Variants in ZNF236 observed in about 807,000 individuals in gnomAD.
ZNF236 encodes zinc finger protein 236.
A neutral mutation model predicts 191.2 loss-of-function variants in ZNF236; 50 were observed. The ratio of observed to expected loss-of-function variants is 0.26; its 90% confidence interval spans 0.21 to 0.33. The LOEUF (loss-of-function observed/expected upper bound fraction) is 0.33. ZNF236 is among the 10% of genes least tolerant of loss of function. The pLI is 1.00. For synonymous variants in ZNF236, 907 were observed against 928.8 expected (o/e 0.98, Z 0.43); for missense variants, 1,754 against 2,374.5 (o/e 0.74, Z 5.43).
At chr18:76,847,890 T>C (rs1036046606) in intron 1 of ZNF236, among the ~76,000 whole-genome samples, 4 of 152,246 alleles carry the variant, frequency 2.6e-5, no homozygotes, top group African/African-American at 9.6e-5. Flanking sequence ...TAAGAATAAA[T>C]AGAATAAAAA....
intron 9 of ZNF236, chr18:76,886,541 C>G (rs1331877845): frequency 1.0e-5 from 2 of 193,224 alleles, no homozygotes; most frequent in Non-Finnish European, 2.1e-5. Flanking sequence ...CTGTCAATTT[C>G]TATAGCAAGC....
chr18:76,912,487 G>A, intron 17 of ZNF236, 140 bp downstream of exon 17: 1 of 571,148 alleles, frequency 1.8e-6, no homozygotes, highest in East Asian at 3.0e-5. Context: ...TCCATATTCT[G>A]TAAATAAACG....
intron 30 of ZNF236, among the ~76,000 whole-genome samples, chr18:76,966,764 T>G (rs528331376): frequency 2.6e-5 from 4 of 152,324 alleles, no homozygotes; most frequent in Non-Finnish European, 5.9e-5. Context: ...GTGATCCTAC[T>G]GCTTGTCTGT....
At chr18:76,883,641 T>C (rs1976963296) in intron 9 of ZNF236, among the ~76,000 whole-genome samples, 1 of 152,156 alleles carries the variant, frequency 6.6e-6, no homozygotes, top group African/African-American at 2.4e-5. Flanking sequence ...TTGCCCAGGC[T>C]GGTCTTAAAT....
chr18:76,967,931 T>G (rs1968825108), intron 30 of ZNF236, among the ~76,000 whole-genome samples: 1 of 152,140 alleles, frequency 6.6e-6, no homozygotes, highest in Non-Finnish European at 1.5e-5. Flanking sequence ...AAATCATGTG[T>G]GTTGGTTATT....
chr18:76,911,529 G>T (rs1967217197), intron 16 of ZNF236, among the ~76,000 whole-genome samples: 1 of 152,228 alleles, frequency 6.6e-6, no homozygotes, highest in Non-Finnish European at 1.5e-5. Context: ...CAGTTCTGTT[G>T]TTGTGGTTTA....
At chr18:76,900,154 C>A (rs977916284) in intron 11 of ZNF236, among the ~76,000 whole-genome samples, 34 of 152,168 alleles carry the variant, frequency 2.2e-4, no homozygotes, top group African/African-American at 7.7e-4. Context: ...TTCCTTAATT[C>A]CAAAGCATAA....
intron 22 of ZNF236, among the ~76,000 whole-genome samples, chr18:76,926,714 A>G (rs1441266587): frequency 1.2e-4 from 6 of 48,636 alleles, no homozygotes. Context: ...GTATGGTATA[A>G]AGGGTGATTA....
Position 76,954,201 on chromosome 18 carries a change from G to A in ZNF236, c.4915-1784G>A, listed in dbSNP as rs184118826. On this transcript the variant is annotated intron_variant, in intron 27 of 30. Transcript: ENST00000320610. The stretch of plus-strand genomic sequence containing the variant: ...AATTCAGAAGCTTTGCTTCTGATGC[G>A]ATTATGCTGAAAAATATTTTACAGA... Among the ~76,000 whole-genome samples, 555 of 152,318 alleles carry A rather than the reference G, an allele frequency of 3.6e-3. 1 individual carries two copies. The highest frequency in any genetic ancestry group is 7.1e-3 in the Admixed American group (108 of 15,302).
At chr18:76,936,496 G>A in intron 25 of ZNF236, 1 of 438,690 alleles carries the variant, frequency 2.3e-6, no homozygotes, top group South Asian at 1.6e-5. Context: ...GGCTGCAAGG[G>A]GAGATATTTC....
Position 76,851,861 on chromosome 18 carries a change from T to C in ZNF236, c.285T>C (p.Pro95=), listed in dbSNP as rs926738353. 2 of 1,614,006 alleles carry C rather than the reference T, an allele frequency of 1.2e-6. No individual in the cohort carries two copies. Among genetic ancestry groups the C allele is most frequent in the African/African-American group, 1.3e-5 (1 of 74,930 alleles). Residue 95 remains proline (P), a synonymous_variant, in exon 3 of 31, where the codon CCT becomes CCC. Transcript: ENST00000320610. Reference sequence around the variant, plus strand: ...AATGCACCCACAGCGGGGAAGATCCTACCTGCCCTGTGTGTAACAAGAAAT... The same window carrying C: ...AATGCACCCACAGCGGGGAAGATCCCACCTGCCCTGTGTGTAACAAGAAAT... The part of the protein sequence containing the change: ...LHKCTHSGED[P]TCPVCNKKFS...
chr18:76,962,521 T>A (rs1316126238), intron 30 of ZNF236, among the ~76,000 whole-genome samples: 1 of 152,166 alleles, frequency 6.6e-6, no homozygotes, highest in East Asian at 1.9e-4. Context: ...TTTTGCTTAG[T>A]CTTACTTTGG....
In ZNF236 at chr18:76,881,480, A is replaced by C; in HGVS notation, c.1385A>C (p.Lys462Thr). ...GAGAAACTGGATAAAAAAGAAAAAA[A>C]AATGATAAAGAAGAAGTCACCGTTT... ...SPEKLDKKEK[K>T]MIKKKSPFLP... The change falls in exon 9 of 31, where the codon AAA becomes ACA. Residue 462 changes from lysine (K) to threonine (T), a missense_variant. Lys to Thr is a moderately conservative substitution (Grantham distance 78). Around this residue, in one of 5 missense-constraint regions of ZNF236, gnomAD observed 126 missense variants for 110.9 expected, o/e 1.14. Coordinates refer to ENST00000320610, the MANE Select transcript of ZNF236 (RefSeq NM_001306089.2). The C allele has an allele frequency of 6.2e-7, 1 of 1,612,884 alleles. No homozygotes were observed. The highest frequency in any genetic ancestry group is 8.5e-7 in the Non-Finnish European group (1 of 1,179,786).
intron 1 of ZNF236, among the ~76,000 whole-genome samples, chr18:76,839,345 C>A (rs1238951402): frequency 6.6e-6 from 1 of 151,140 alleles, no homozygotes; most frequent in Non-Finnish European, 1.5e-5. Flanking sequence ...TGCCCTCTGG[C>A]AATATATGAG....
intron 1 of ZNF236, chr18:76,840,782 T>TGTGTGTGTGTGTGTGCGC (rs1555685340): frequency 1.0e-4 from 10 of 99,248 alleles, no homozygotes; most frequent in African/African-American, 2.9e-4. Flanking sequence ...AACCTGTGTG[T>TGTGTGTGTGTGTGTGCGC]GTGTGTGTGT....
In ZNF236 at chr18:76,960,273, G is replaced by A. The variant is rs1968632093; in HGVS notation, c.5243-406G>A. On this transcript the variant is annotated intron_variant, in intron 29 of 30. Coordinates refer to ENST00000320610, the MANE Select transcript of ZNF236 (RefSeq NM_001306089.2). The surrounding 1 kb of genome is among the most constrained non-coding windows in gnomAD (Gnocchi z 4.4). ...TTTGTCTTAGAGAAAAAAAACACAC[G>A]GAACAAAGAAACAAGCTCTTCCATC... Among the ~76,000 whole-genome samples, 4 of 152,118 alleles carry A rather than the reference G, an allele frequency of 2.6e-5. No individual in the cohort carries two copies. Among genetic ancestry groups the A allele is most frequent in the Admixed American group, 2.0e-4 (3 of 15,280 alleles).
intron 13 of ZNF236, among the ~76,000 whole-genome samples, chr18:76,905,673 C>T (rs987370326): frequency 4.6e-5 from 7 of 152,148 alleles, no homozygotes; most frequent in Middle Eastern, 3.4e-3. Flanking sequence ...ATTCTGTAAG[C>T]TGTCTTTTAA....
intron 9 of ZNF236, among the ~76,000 whole-genome samples, chr18:76,881,845 C>A (rs1976912307): frequency 6.6e-6 from 1 of 152,246 alleles, no homozygotes; most frequent in Non-Finnish European, 1.5e-5. Context: ...CTCCTCTCCA[C>A]TCAGATCCAT....
At chr18:76,866,401 AG>A (rs138819096) in intron 3 of ZNF236, among the ~76,000 whole-genome samples, 2,420 of 152,312 alleles carry the variant, frequency 0.016, 29 homozygotes, top group Middle Eastern at 0.02. Context: ...TGAGAAGGCC[AG>A]GACAGGAGAC....
Sources: allele counts gnomAD v4.1 joint callset (sites outside exome capture counted in the v4.1 genomes callset), GRCh38; gene constraint gnomAD v4.1.1; regional missense constraint gnomAD v4.1.1; non-coding constraint Gnocchi (gnomAD v3.1); transcripts MANE v1.5; gene names NCBI Gene and HGNC (gene_info 2026-07-23, HGNC 2026-07-21).